TMPRSS4: variants seen among roughly 807,000 people sequenced by gnomAD.
TMPRSS4 encodes transmembrane protease serine 4.
A neutral mutation model predicts 56.4 loss-of-function variants in TMPRSS4; 45 were observed. The ratio of observed to expected loss-of-function variants is 0.80; its 90% CI spans 0.63 to 1.02. The LOEUF (loss-of-function observed/expected upper bound fraction) is 1.02, where lower values mean the gene tolerates loss of function less well. Among genes scored for constraint, TMPRSS4 ranks in the 50% least tolerant of loss-of-function variants. TMPRSS4 has a pLI of 0.00. For missense variants in TMPRSS4, 546 were observed against 556.7 expected (o/e 0.98, Z 0.19); for synonymous variants, 205 against 211.0 (o/e 0.97, Z 0.25).
intron 3 of TMPRSS4, among the ~76,000 whole-genome samples, chr11:118,099,487 A>AAGAAAGAG (rs1565426489): frequency 1.3e-4 from 20 of 151,278 alleles, no homozygotes; most frequent in Non-Finnish European, 2.2e-4. Flanking sequence ...AAGAAAAAGA[A>AAGAAAGAG]AGAAAGAAAG....
intron 1 of TMPRSS4, among the ~76,000 whole-genome samples, chr11:118,091,697 C>A (rs963903683): frequency 7.3e-5 from 11 of 151,040 alleles, no homozygotes; most frequent in African/African-American, 2.2e-4. Context: ...ATAATTAATT[C>A]TTTAATGCTG....
At chr11:118,099,724 A>T (rs1591382122) in intron 3 of TMPRSS4, among the ~76,000 whole-genome samples, 2 of 152,030 alleles carry the variant, frequency 1.3e-5, no homozygotes, top group East Asian at 3.9e-4. Flanking sequence ...AGTGGCTCTG[A>T]GCAGCGGCTG....
intron 1 of TMPRSS4, chr11:118,088,108 CA>C (rs1389894155): frequency 1.3e-5 from 2 of 152,248 alleles, no homozygotes; most frequent in African/African-American, 2.4e-5. Flanking sequence ...AAGGACCCAG[CA>C]CCAGCTAATG....
chr11:118,104,842 C>A (rs1350162806), intron 5 of TMPRSS4, 22 bp downstream of exon 5: 1 of 1,543,326 alleles, frequency 6.5e-7, no homozygotes, highest in Non-Finnish European at 8.7e-7. Context: ...GGGCCTCTCT[C>A]CTTTTTCCCT....
In TMPRSS4 at chr11:118,099,084, T is replaced by C. The variant is rs773354066; in HGVS notation, c.143T>C (p.Ile48Thr). ...CTACTGAGCCTGGCGAGTATCATCA[T>C]TGTGGTTGTCCTCAGTAAGTGACAG... is the stretch of plus-strand genomic sequence containing the variant. ...IALLSLASII[I>T]VVVLIKVILD... Residue 48 changes from isoleucine (I) to threonine (T), a missense_variant, in exon 3 of 13, where the codon ATT becomes ACT. Physicochemically the swap from Ile to Thr is moderately conservative, Grantham distance 89. Transcript: ENST00000437212. 2 of 1,613,886 alleles carry C rather than the reference T, an allele frequency of 1.2e-6. No homozygotes were observed. The highest frequency in any genetic ancestry group is 1.3e-5 in the African/African-American group (1 of 74,976).
At chr11:118,093,615 A>G (rs1032397404) in intron 1 of TMPRSS4, among the ~76,000 whole-genome samples, 10 of 152,236 alleles carry the variant, frequency 6.6e-5, no homozygotes, top group African/African-American at 1.9e-4. Context: ...ATTTGTGCAC[A>G]TGCGTCGACG....
intron 1 of TMPRSS4, among the ~76,000 whole-genome samples, chr11:118,079,306 C>T (rs544480013): frequency 7.1e-4 from 108 of 152,302 alleles, no homozygotes; most frequent in Admixed American, 6.9e-3. Context: ...CCTTCCCTTC[C>T]CTTCCATTCC....
rs568745565 is a variant in TMPRSS4 at position 118,098,250 on chromosome 11, A to ACCAGGCAGCCTACAGGCACC, written c.44-733_44-714dup. 3.8e-3 allele frequency among the ~76,000 whole-genome samples: 584 copies of ACCAGGCAGCCTACAGGCACC among 152,288 alleles called. 1 individual carries two copies. The highest frequency in any genetic ancestry group is 0.013 in the African/African-American group (522 of 41,546). ...TTTATTCCCCTGGTACCCCAGGCAC[A>ACCAGGCAGCCTACAGGCACC]CCAGGCAGCCTACAGGCACCCTCCG... is the stretch of plus-strand genomic sequence containing the variant. On this transcript the variant is annotated intron_variant, in intron 2 of 12. Transcript: ENST00000437212.
At chr11:118,108,828 A>G in intron 6 of TMPRSS4, 28 bp from the exon 7 acceptor site, 1 of 1,613,550 alleles carries the variant, frequency 6.2e-7, no homozygotes, top group Non-Finnish European at 8.5e-7. Context: ...AGAAGCTTAA[A>G]TCACAGGGCG....
At chr11:118,083,944 A>G (rs146756187) in intron 1 of TMPRSS4, among the ~76,000 whole-genome samples, 3,390 of 152,266 alleles carry the variant, frequency 0.022, 60 homozygotes, top group Non-Finnish European at 0.035. Flanking sequence ...AGGCTGAGCC[A>G]GGAGAATCGC....
chr11:118,096,967 GGAAAGAAAGAAAGAAA>G (rs1170336226), intron 2 of TMPRSS4, among the ~76,000 whole-genome samples: 320 of 9,516 alleles, frequency 0.034, 33 homozygotes, highest in East Asian at 0.12. Flanking sequence ...AAGAAAGAAA[GGAAAGAAAGAAAGAAA>G]GAAAGAAAGA....
Position 118,104,752 on chromosome 11 carries a change from C to A in TMPRSS4, c.372C>A (p.Phe124Leu). Residue 124 changes from phenylalanine to leucine, a missense_variant, in exon 5 of 13, where the codon TTC (phenylalanine) becomes TTA (leucine). Coordinates refer to ENST00000437212, the MANE Select transcript of TMPRSS4 (RefSeq NM_019894.4). ...TGGACTCGGCCACAGGGAACTGGTT[C>A]TCTGCCTGTTTCGACAACTTCACAG... is the stretch of plus-strand genomic sequence containing the variant. ...QVLDSATGNW[F>L]SACFDNFTEA... 1 of 1,614,200 alleles carries A rather than the reference C, an allele frequency of 6.2e-7. No individual in the cohort carries two copies. Among genetic ancestry groups the A allele is most frequent in the Non-Finnish European group, 8.5e-7 (1 of 1,180,016 alleles).
At chr11:118,103,661 C>T (rs1219344276) in intron 4 of TMPRSS4, among the ~76,000 whole-genome samples, 5 of 152,234 alleles carry the variant, frequency 3.3e-5, no homozygotes, top group African/African-American at 4.8e-5. Context: ...GGATTACAGG[C>T]GTGAGCCACC....
rs916131049 is a variant in TMPRSS4 at position 118,118,906 on chromosome 11, G to A, written c.*993G>A. The A allele has an allele frequency of 1.5e-5, 15 of 985,248 alleles. No individual in the cohort carries two copies. In the Admixed American group the frequency reaches 1.8e-4, roughly 12 times the overall value. 61.0% of individuals were successfully genotyped at this position (985,248 alleles called of 1,614,324 possible). A position where few individuals can be genotyped will look rare whatever the true frequency, so the allele number is the denominator to read the frequency against. ...AAAAGGATCAGCTGCCAGGTGTGAG[G>A]CAGTCCCCAAGCTGAGTTGTGAGGA... On this transcript the variant is annotated 3_prime_UTR_variant, in exon 13 of 13. Coordinates refer to ENST00000437212, the MANE Select transcript of TMPRSS4 (RefSeq NM_019894.4).
At chr11:118,111,460 C>T (rs561713394) in intron 7 of TMPRSS4, among the ~76,000 whole-genome samples, 5 of 151,912 alleles carry the variant, frequency 3.3e-5, no homozygotes, top group South Asian at 2.1e-4. Context: ...CCCAGCACAA[C>T]GGACACACCC....
chr11:118,115,952 C>G (rs1287765832), intron 11 of TMPRSS4, among the ~76,000 whole-genome samples: 1 of 152,174 alleles, frequency 6.6e-6, no homozygotes, highest in African/African-American at 2.4e-5. Context: ...CCCCAAGCTG[C>G]TGAACTACAC....
intron 5 of TMPRSS4, chr11:118,105,420 A>G (rs1320284072): frequency 6.6e-6 from 1 of 151,832 alleles, no homozygotes; most frequent in Non-Finnish European, 1.5e-5. Context: ...GATAGTTATT[A>G]TATCTTATAT....
rs1944722199 is a variant in TMPRSS4, at chr11:118,077,166, C to T, written c.-137C>T. 9.5e-7 allele frequency: 1 copy of T among 1,055,988 alleles called. No homozygotes were observed. 65.4% of individuals were successfully genotyped at this position (1,055,988 alleles called of 1,614,324 possible). ...GACCAAGGCCTGCCCTGCACTCGGGCCTCCTCCAGCCAGTGCTGACCAGGG... is the reference window on the plus strand; with the variant it reads ...GACCAAGGCCTGCCCTGCACTCGGGTCTCCTCCAGCCAGTGCTGACCAGGG... On this transcript the variant is annotated 5_prime_UTR_variant, in exon 1 of 13. Transcript: ENST00000437212.
At chr11:118,087,086 A>C (rs1237299632) in intron 1 of TMPRSS4, among the ~76,000 whole-genome samples, 1 of 150,496 alleles carries the variant, frequency 6.6e-6, no homozygotes, top group Admixed American at 6.6e-5. Flanking sequence ...TGTTTATCCC[A>C]TCACCTAGCA....
Sources: gnomAD v4.1 joint callset for allele counts (sites outside exome capture counted in the v4.1 genomes callset) on GRCh38, gnomAD v4.1.1 for gene constraint, MANE v1.5 for transcripts, NCBI Gene and HGNC (gene_info 2026-07-23, HGNC 2026-07-21) for gene names.